The following RALYL variants were observed in gnomAD, a reference collection of about 807,000 sequenced individuals.
RALYL encodes the protein RALY RNA binding protein like, also known as RNA-binding Raly-like protein.
Under a neutral mutation model 35.1 loss-of-function variants are expected in RALYL, and 29 were observed. The observed-to-expected ratio is 0.83, with a 90% CI of 0.61 to 1.13. The LOEUF (loss-of-function observed/expected upper bound fraction) is 1.13. RALYL is among the 50% of genes most tolerant of loss of function. RALYL has a pLI of 0.00. For synonymous variants in RALYL, 120 were observed against 127.6 expected, an observed-to-expected ratio of 0.94 and a Z score of 0.40; for missense variants, 359 against 360.4, an observed-to-expected ratio of 1.00 and a Z score of 0.03.
At chr8:84,835,821 A>T (rs1397348857) in intron 4 of RALYL, among the ~76,000 whole-genome samples, 1 of 152,142 alleles carries the variant, frequency 6.6e-6, no homozygotes, top group East Asian at 1.9e-4. Context: ...GTCAAGATAC[A>T]AGAATGTCTC....
intron 1 of RALYL, among the ~76,000 whole-genome samples, chr8:84,449,791 A>T (rs1262768862): frequency 1.3e-5 from 2 of 152,004 alleles, no homozygotes; most frequent in African/African-American, 4.8e-5. Context: ...AATCTTTTGA[A>T]TTTGTTCATA....
intron 1 of RALYL, among the ~76,000 whole-genome samples, chr8:84,276,826 ATAT>A (rs2132023683): frequency 6.6e-6 from 1 of 152,376 alleles, no homozygotes; most frequent in Admixed American, 6.5e-5. Flanking sequence ...AACAAAACTA[ATAT>A]TTGTTAATCT....
At chr8:84,590,413 A>C (rs1283704790) in intron 2 of RALYL, among the ~76,000 whole-genome samples, 1 of 152,246 alleles carries the variant, frequency 6.6e-6, no homozygotes, top group Admixed American at 6.5e-5. Flanking sequence ...CAAGGTCAAA[A>C]TAAACAAGAT....
At chr8:84,648,971 G>A (rs1224344669) in intron 2 of RALYL, among the ~76,000 whole-genome samples, 1 of 151,720 alleles carries the variant, frequency 6.6e-6, no homozygotes, top group East Asian at 1.9e-4. Flanking sequence ...ATCCCTTTAA[G>A]CATAACACCA....
At chr8:84,247,245 A>T (rs1244952690) in intron 1 of RALYL, among the ~76,000 whole-genome samples, 1 of 152,174 alleles carries the variant, frequency 6.6e-6, no homozygotes, top group African/African-American at 2.4e-5. Context: ...CAAATATCCC[A>T]TGCCATTCAA....
rs56387511 is a variant in RALYL at position 84,367,318 on chromosome 8, A to ATTTTTTT, written c.-23-161936_-23-161930dup. ...GCCATCCTGCCCAACTAATTTTTGT[A>ATTTTTTT]TTTTTTTTTTTTTTTTTTTTTTTTT... On this transcript the variant is annotated intron_variant, in intron 1 of 8. Transcript: ENST00000521268. 2.1e-3 allele frequency among the ~76,000 whole-genome samples: 57 copies of ATTTTTTT among 27,398 alleles called. 15 individuals are homozygous for ATTTTTTT. Among genetic ancestry groups the ATTTTTTT allele is most frequent in the Non-Finnish European group, 4.0e-3 (41 of 10,130 alleles). 18.0% of individuals were successfully genotyped at this position (27,398 alleles called of 152,430 possible).
intron 1 of RALYL, among the ~76,000 whole-genome samples, chr8:84,214,622 A>G (rs1439348938): frequency 1.3e-5 from 2 of 152,134 alleles, no homozygotes; most frequent in Non-Finnish European, 2.9e-5. Context: ...ACATTAATAT[A>G]CCTAACTGGC....
At chr8:84,258,021 G>A (rs1198355661) in intron 1 of RALYL, among the ~76,000 whole-genome samples, 1 of 151,958 alleles carries the variant, frequency 6.6e-6, no homozygotes, top group Non-Finnish European at 1.5e-5. Context: ...TTCTTGTTGG[G>A]TATCTACACG....
At position 84,774,641 on chromosome 8, in the gene RALYL, T is replaced by C. The variant is rs776851330; in HGVS notation, c.319T>C (p.Ser107Pro). The part of the protein sequence containing the change: ...RPKPGNKRPL[S>P]ALYRLESKEP... ...AAAACCTGGAAACAAGAGGCCCCTT[T>C]CTGCACTTTACAGGTAAGTAGATAA... The change falls in exon 3 of 9, where the codon TCT becomes CCT. Residue 107 changes from serine (S) to proline (P), a missense_variant. Coordinates refer to ENST00000521268, the MANE Select transcript of RALYL (RefSeq NM_173848.7). 1 of 1,608,194 alleles carries C rather than the reference T, an allele frequency of 6.2e-7. No individual in the cohort carries two copies. The highest frequency in any genetic ancestry group is 2.2e-5 in the East Asian group (1 of 44,716).
chr8:84,799,883 A>G (rs1464523811), intron 3 of RALYL, among the ~76,000 whole-genome samples: 1 of 152,078 alleles, frequency 6.6e-6, no homozygotes, highest in Non-Finnish European at 1.5e-5. Flanking sequence ...GTGAACCCGG[A>G]AGGTGGAGTT....
chr8:84,557,611 CTTTAA>C (rs1426523281), intron 2 of RALYL, among the ~76,000 whole-genome samples: 6 of 152,148 alleles, frequency 3.9e-5, no homozygotes, highest in South Asian at 2.1e-4. Flanking sequence ...CTGACTCATA[CTTTAA>C]TTTAAACATA....
chr8:84,481,817 A>T (rs2054072767), intron 1 of RALYL, among the ~76,000 whole-genome samples: 1 of 152,132 alleles, frequency 6.6e-6, no homozygotes, highest in Non-Finnish European at 1.5e-5. Context: ...AAGGCCAAGG[A>T]TGAGATTTCA....
At chr8:84,250,409 A>G (rs2131663834) in intron 1 of RALYL, among the ~76,000 whole-genome samples, 1 of 151,992 alleles carries the variant, frequency 6.6e-6, no homozygotes, top group South Asian at 2.1e-4. Context: ...CCCATTGCCC[A>G]GGCTGGAGTG....
intron 4 of RALYL, among the ~76,000 whole-genome samples, chr8:84,806,038 A>ATTACT (rs1554597452): frequency 6.6e-6 from 1 of 152,148 alleles, no homozygotes; most frequent in African/African-American, 2.4e-5. Context: ...ATTTTCTTTT[A>ATTACT]TTACTTTGTA....
chr8:84,384,343 T>G (rs891390734), intron 1 of RALYL, among the ~76,000 whole-genome samples: 4 of 151,784 alleles, frequency 2.6e-5, no homozygotes, highest in Non-Finnish European at 5.9e-5. Context: ...GTCTCCTCCA[T>G]ATGAACCTGA....
chr8:84,511,254 T>A (rs1286686828), intron 1 of RALYL, among the ~76,000 whole-genome samples: 1 of 152,206 alleles, frequency 6.6e-6, no homozygotes, highest in Non-Finnish European at 1.5e-5. Flanking sequence ...AATATCAGAC[T>A]CTCAAGCTGA....
chr8:84,251,235 G>T (rs1057503692), intron 1 of RALYL, among the ~76,000 whole-genome samples: 59 of 152,202 alleles, frequency 3.9e-4, no homozygotes, highest in African/African-American at 1.4e-3. Context: ...CAGCATCAAG[G>T]TTGTGAAATG....
At chr8:84,184,829 G>A (rs1175263594) in intron 1 of RALYL, 4 of 695,968 alleles carry the variant, frequency 5.7e-6, no homozygotes, top group Non-Finnish European at 7.4e-6. Flanking sequence ...GCCGTCGGGC[G>A]GGCTAGAGGG....
At chr8:84,536,595 C>T (rs1045603611) in intron 2 of RALYL, among the ~76,000 whole-genome samples, 3 of 152,158 alleles carry the variant, frequency 2.0e-5, no homozygotes, top group Non-Finnish European at 4.4e-5. Context: ...TAAAGAAGCA[C>T]ATGAACCTTA....
Sources: allele counts gnomAD v4.1 joint callset (sites outside exome capture counted in the v4.1 genomes callset), GRCh38; gene constraint gnomAD v4.1.1; transcripts MANE v1.5; gene names NCBI Gene and HGNC (gene_info 2026-07-23, HGNC 2026-07-21).